Variants in ANKRD62 observed in about 807,000 individuals in gnomAD.
ANKRD62 encodes the protein ankyrin repeat domain-containing protein 62.
A neutral mutation model predicts 98.8 loss-of-function variants in ANKRD62; 61 were observed. The observed-to-expected ratio is 0.62, with a 90% CI of 0.50 to 0.76. The LOEUF is 0.76. Ranked by LOEUF, ANKRD62 falls within the 30% of genes least tolerant of loss-of-function variation. ANKRD62 has a pLI of 0.00. For synonymous variants in ANKRD62, 341 were observed against 367.9 expected (o/e 0.93, Z 0.84); for missense variants, 933 against 1,082.9 (o/e 0.86, Z 1.94).
intron 7 of ANKRD62, among the ~76,000 whole-genome samples, chr18:12,106,604 A>G (rs1909417990): frequency 6.6e-6 from 1 of 152,228 alleles, no homozygotes; most frequent in Non-Finnish European, 1.5e-5. Context: ...GGGCCAAAGT[A>G]GATAATTACT....
chr18:12,111,264 A>T (rs1909532715), intron 8 of ANKRD62, among the ~76,000 whole-genome samples: 1 of 149,560 alleles, frequency 6.7e-6, no homozygotes, highest in Non-Finnish European at 1.5e-5. Flanking sequence ...AAAAAAAAAG[A>T]TCAATAAATG....
At chr18:12,146,020 G>C in the ANKRD62 span, among the ~76,000 whole-genome samples, 1 of 151,952 alleles carries the variant, frequency 6.6e-6, no homozygotes, top group South Asian at 2.1e-4. Context: ...CTCAGAAAGA[G>C]GGGCAGGCCA....
At chr18:12,115,769 ACT>A (rs1245057414) in intron 10 of ANKRD62, among the ~76,000 whole-genome samples, 1 of 151,976 alleles carries the variant, frequency 6.6e-6, no homozygotes, top group Non-Finnish European at 1.5e-5. Flanking sequence ...CTATTTGTTG[ACT>A]CTGCTTCTCC....
chr18:12,136,516 T>G, the ANKRD62 span, among the ~76,000 whole-genome samples: 1 of 152,220 alleles, frequency 6.6e-6, no homozygotes, highest in African/African-American at 2.4e-5. Flanking sequence ...AGGATTGACT[T>G]GGCGATGCGG....
the ANKRD62 span, among the ~76,000 whole-genome samples, chr18:12,175,336 T>C: frequency 6.6e-6 from 1 of 152,056 alleles, no homozygotes; most frequent in Non-Finnish European, 1.5e-5. Context: ...GCTGGCTGTG[T>C]GCCCACCAAG....
chr18:12,157,226 C>G, the ANKRD62 span, among the ~76,000 whole-genome samples: 2 of 152,160 alleles, frequency 1.3e-5, no homozygotes, highest in South Asian at 2.1e-4. Context: ...TTAAAAATCA[C>G]TTTTCAGACT....
chr18:12,109,971 A>AAAC (rs1173477263), intron 8 of ANKRD62, among the ~76,000 whole-genome samples: 2 of 137,832 alleles, frequency 1.5e-5, no homozygotes, highest in Non-Finnish European at 3.2e-5. Context: ...AAAAAAAAAA[A>AAAC]CAGACAGACA....
the ANKRD62 span, among the ~76,000 whole-genome samples, chr18:12,139,229 G>A: frequency 6.6e-6 from 1 of 152,050 alleles, no homozygotes; most frequent in Non-Finnish European, 1.5e-5. Flanking sequence ...GCTCTTTTAG[G>A]GCAGGCCTGG....
At position 12,129,291 on chromosome 18, in the gene ANKRD62, A is replaced by G. The variant is rs1388157145; in HGVS notation, c.*1352A>G. 6.6e-6 allele frequency: 1 copy of G among 152,232 alleles called. No individual in the cohort carries two copies. The highest frequency in any genetic ancestry group is 1.5e-5 in the Non-Finnish European group (1 of 68,048). The allele number at this position is 152,232 out of a possible 1,614,324, so 9.4% of individuals were successfully genotyped here. A position where few individuals can be genotyped will look rare whatever the true frequency, so the allele number is the denominator to read the frequency against. On this transcript the variant is annotated 3_prime_UTR_variant, in exon 14 of 14. Coordinates refer to ENST00000587848, the MANE Select transcript of ANKRD62 (RefSeq NM_001277333.2). ...TGTGTTTTAATCCTAGAGCATAGGC[A>G]GTAAACTTTTCTGTAAAGGGCCAAG...
chr18:12,165,100 C>A, the ANKRD62 span, among the ~76,000 whole-genome samples: 1 of 151,872 alleles, frequency 6.6e-6, no homozygotes, highest in African/African-American at 2.4e-5. Context: ...TATTCCTGCG[C>A]TTTTTTGGTT....
the ANKRD62 span, among the ~76,000 whole-genome samples, chr18:12,171,507 G>A: frequency 3.9e-5 from 6 of 152,208 alleles, no homozygotes; most frequent in Admixed American, 1.3e-4. Flanking sequence ...CGAGAGATCC[G>A]CTGTTAGTGT....
intron 3 of ANKRD62, 130 bp downstream of exon 3, chr18:12,095,740 C>G (rs1390873313): frequency 1.2e-6 from 1 of 868,284 alleles, no homozygotes; most frequent in African/African-American, 1.7e-5. Flanking sequence ...GCTTTACATA[C>G]AACTATTTAA....
intron 7 of ANKRD62, among the ~76,000 whole-genome samples, chr18:12,103,627 G>A (rs1270745757): frequency 6.6e-6 from 1 of 152,032 alleles, no homozygotes; most frequent in African/African-American, 2.4e-5. Context: ...TATATTACTG[G>A]TGACTAATAC....
In ANKRD62 at chr18:12,125,445, CTTTGT is replaced by C; in HGVS notation, c.1639-11_1639-7del. On this transcript the variant is annotated splice_polypyrimidine_tract_variant and intron_variant, in intron 12 of 13. Coordinates refer to ENST00000587848, the MANE Select transcript of ANKRD62 (RefSeq NM_001277333.2). ...TTATTGGGTGCTAGTTGAGAGTTTT[CTTTGT>C]TTTATTTAGAATTTTCATACTCATG... is the stretch of plus-strand genomic sequence containing the variant. 2 of 1,434,496 alleles carry C rather than the reference CTTTGT, an allele frequency of 1.4e-6. No individual in the cohort carries two copies. The highest frequency in any genetic ancestry group is 9.1e-7 in the Non-Finnish European group (1 of 1,103,116). The allele number at this position is 1,434,496 out of a possible 1,614,324, so 88.9% of individuals were successfully genotyped here.
At chr18:12,153,875 A>G in the ANKRD62 span, among the ~76,000 whole-genome samples, 2 of 152,218 alleles carry the variant, frequency 1.3e-5, no homozygotes, top group Non-Finnish European at 2.9e-5. Context: ...CCTATTCAGT[A>G]AATGTCTGTT....
chr18:12,145,757 G>A, the ANKRD62 span, among the ~76,000 whole-genome samples: 1 of 152,004 alleles, frequency 6.6e-6, no homozygotes, highest in Non-Finnish European at 1.5e-5. Flanking sequence ...GGCCTTCAGA[G>A]TGTGCAGACC....
chr18:12,150,422 G>A, the ANKRD62 span, among the ~76,000 whole-genome samples: 185 of 152,014 alleles, frequency 1.2e-3, no homozygotes, highest in Non-Finnish European at 2.3e-3. Flanking sequence ...ACTTGCTAGA[G>A]AATCAAACAA....
At chr18:12,135,547 G>A in the ANKRD62 span, among the ~76,000 whole-genome samples, 1 of 151,328 alleles carries the variant, frequency 6.6e-6, no homozygotes. Flanking sequence ...TCGTCCTTTG[G>A]GTATATACCC....
the ANKRD62 span, among the ~76,000 whole-genome samples, chr18:12,135,749 A>C: frequency 6.6e-6 from 1 of 152,032 alleles, no homozygotes; most frequent in African/African-American, 2.4e-5. Flanking sequence ...CTGGTGTGAG[A>C]TGGTATCTCA....
Sources: allele counts gnomAD v4.1 joint callset (sites outside exome capture counted in the v4.1 genomes callset), GRCh38; gene constraint gnomAD v4.1.1; transcripts MANE v1.5; gene names NCBI Gene and HGNC (gene_info 2026-07-23, HGNC 2026-07-21).